XKR4: variants seen among roughly 807,000 people sequenced by gnomAD.
XKR4 encodes XK-related protein 4.
A neutral mutation model predicts 53.9 loss-of-function variants in XKR4; 12 were observed. The ratio of observed to expected loss-of-function variants is 0.22; its 90% CI spans 0.14 to 0.36. The LOEUF (loss-of-function observed/expected upper bound fraction) is 0.36. Ranked by LOEUF, XKR4 falls within the 10% of genes least tolerant of loss-of-function variation. XKR4 has a pLI of 1.00. For synonymous variants in XKR4, 354 were observed against 362.4 expected, an observed-to-expected ratio of 0.98 and a Z score of 0.26; for missense variants, 799 against 859.5, an observed-to-expected ratio of 0.93 and a Z score of 0.88.
At chr8:55,235,862 A>C (rs1408483416) in intron 1 of XKR4, among the ~76,000 whole-genome samples, 1 of 152,152 alleles carries the variant, frequency 6.6e-6, no homozygotes, top group Non-Finnish European at 1.5e-5. Flanking sequence ...TGTTGGGCCT[A>C]GATAACCAAC....
chr8:55,232,466 T>C (rs1818055809), intron 1 of XKR4, among the ~76,000 whole-genome samples: 1 of 152,236 alleles, frequency 6.6e-6, no homozygotes, highest in Non-Finnish European at 1.5e-5. Flanking sequence ...TTGAAACTTT[T>C]TCCCCAAGAT....
At chr8:55,435,908 G>A (rs1805170846) in intron 2 of XKR4, among the ~76,000 whole-genome samples, 1 of 152,038 alleles carries the variant, frequency 6.6e-6, no homozygotes, top group African/African-American at 2.4e-5. Flanking sequence ...ACCCTCCACA[G>A]GATTTTCAAA....
chr8:55,357,363 A>C (rs1803834183), intron 1 of XKR4, among the ~76,000 whole-genome samples: 1 of 152,234 alleles, frequency 6.6e-6, no homozygotes, highest in African/African-American at 2.4e-5. Flanking sequence ...ACAAAAAAGA[A>C]TGTATGTAGA....
At chr8:55,455,273 G>A (rs944944008) in intron 2 of XKR4, 25 of 165,974 alleles carry the variant, frequency 1.5e-4, no homozygotes, top group Non-Finnish European at 1.0e-4. Context: ...CTGCGGCTGC[G>A]GCGGCGGCCC....
At chr8:55,285,779 AGCCAAGTTCTATGG>A (rs1174950592) in intron 1 of XKR4, among the ~76,000 whole-genome samples, 3 of 152,128 alleles carry the variant, frequency 2.0e-5, no homozygotes, top group African/African-American at 4.8e-5. Flanking sequence ...GTCAGTCTAT[AGCCAAGTTCTATGG>A]GCCCATAGGG....
chr8:55,458,589 A>C (rs1805605122), intron 2 of XKR4, among the ~76,000 whole-genome samples: 1 of 152,218 alleles, frequency 6.6e-6, no homozygotes, highest in South Asian at 2.1e-4. Flanking sequence ...TAAATGCAGA[A>C]GATTTTATTG....
intron 1 of XKR4, among the ~76,000 whole-genome samples, chr8:55,273,946 A>G (rs1434189718): frequency 2.0e-5 from 3 of 152,178 alleles, no homozygotes; most frequent in African/African-American, 4.8e-5. Context: ...TGGGGCTAAA[A>G]GGAGAGGGTA....
intron 2 of XKR4, among the ~76,000 whole-genome samples, chr8:55,358,693 AATTT>A (rs1803855532): frequency 6.6e-6 from 1 of 152,206 alleles, no homozygotes; most frequent in Non-Finnish European, 1.5e-5. Context: ...ATTTCCTATT[AATTT>A]GTCAATCCTG....
At chr8:55,353,325 T>C (rs764344610) in intron 1 of XKR4, among the ~76,000 whole-genome samples, 13 of 152,104 alleles carry the variant, frequency 8.5e-5, no homozygotes, top group Non-Finnish European at 1.6e-4. Context: ...TGTAGTTATA[T>C]AAAGAAGAAA....
intron 1 of XKR4, among the ~76,000 whole-genome samples, chr8:55,336,665 T>C (rs2129381512): frequency 6.6e-6 from 1 of 152,112 alleles, no homozygotes; most frequent in Admixed American, 6.5e-5. Context: ...AAATGACAAC[T>C]AAAATAATGC....
intron 2 of XKR4, among the ~76,000 whole-genome samples, chr8:55,383,325 C>A (rs1275115837): frequency 6.6e-6 from 1 of 152,176 alleles, no homozygotes; most frequent in Non-Finnish European, 1.5e-5. Flanking sequence ...ACATCTCTGA[C>A]CTGAAGAGGT....
chr8:55,441,523 G>A (rs1286381095), intron 2 of XKR4, among the ~76,000 whole-genome samples: 4 of 152,058 alleles, frequency 2.6e-5, no homozygotes, highest in Non-Finnish European at 4.4e-5. Context: ...ATGGACATAT[G>A]GGGAACATTG....
intron 2 of XKR4, among the ~76,000 whole-genome samples, chr8:55,395,715 G>T (rs139905213): frequency 1.3e-5 from 2 of 152,218 alleles, no homozygotes; most frequent in Admixed American, 1.3e-4. Context: ...TAGGTAGATG[G>T]GGCCCATCTT....
chr8:55,327,801 T>C (rs1321881350), intron 1 of XKR4, among the ~76,000 whole-genome samples: 1 of 152,200 alleles, frequency 6.6e-6, no homozygotes, highest in Admixed American at 6.5e-5. Flanking sequence ...AGCTTTGACT[T>C]TTGTGACATT....
At chr8:55,476,333 T>C (rs1285419093) in intron 2 of XKR4, among the ~76,000 whole-genome samples, 1 of 152,022 alleles carries the variant, frequency 6.6e-6, no homozygotes, top group Non-Finnish European at 1.5e-5. Flanking sequence ...GGGATAGGAA[T>C]TCTAGAATGC....
At chr8:55,481,017 A>G (rs1177140442) in intron 2 of XKR4, among the ~76,000 whole-genome samples, 1 of 152,194 alleles carries the variant, frequency 6.6e-6, no homozygotes, top group Non-Finnish European at 1.5e-5. Flanking sequence ...CAAGCTACCA[A>G]TGACTTTCTT....
intron 1 of XKR4, among the ~76,000 whole-genome samples, chr8:55,120,373 G>A (rs541972669): frequency 6.6e-6 from 1 of 152,104 alleles, no homozygotes; most frequent in South Asian, 2.1e-4. Context: ...ATAGGCGGGT[G>A]AACTCCACCC....
intron 2 of XKR4, among the ~76,000 whole-genome samples, chr8:55,447,220 A>G (rs1341024376): frequency 6.6e-6 from 1 of 152,258 alleles, no homozygotes; most frequent in Non-Finnish European, 1.5e-5. Flanking sequence ...ATTAAAAGGT[A>G]GGTGAGCACA....
At chr8:55,417,347 A>G (rs1360656388) in intron 2 of XKR4, among the ~76,000 whole-genome samples, 1 of 152,244 alleles carries the variant, frequency 6.6e-6, no homozygotes, top group Non-Finnish European at 1.5e-5. Context: ...TAAATGGCCA[A>G]GCATTTCATA....
Sources: allele counts gnomAD v4.1 joint callset (sites outside exome capture counted in the v4.1 genomes callset), GRCh38; gene constraint gnomAD v4.1.1; transcripts MANE v1.5; gene names NCBI Gene and HGNC (gene_info 2026-07-23, HGNC 2026-07-21).